Variants in GRM7 observed in about 807,000 individuals in gnomAD.
GRM7 encodes the protein metabotropic glutamate receptor 7.
GRM7 carries 35 observed loss-of-function variants against 84.5 expected under a neutral mutation model. The observed-to-expected ratio is 0.41, with a 90% CI of 0.32 to 0.55. The LOEUF (loss-of-function observed/expected upper bound fraction) is 0.55. Among genes scored for constraint, GRM7 ranks in the 20% least tolerant of loss-of-function variants. The pLI is 0.19. For missense variants in GRM7, 1,003 were observed against 1,194.6 expected, an observed-to-expected ratio of 0.84 and a Z score of 2.36; for synonymous variants, 487 against 455.1, an observed-to-expected ratio of 1.07 and a Z score of -0.89.
At chr3:7,446,024 C>G (rs1261713563) in intron 5 of GRM7, among the ~76,000 whole-genome samples, 1 of 152,118 alleles carries the variant, frequency 6.6e-6, no homozygotes, top group Non-Finnish European at 1.5e-5. Context: ...GTAATACATT[C>G]ATTTACTATT....
chr3:7,229,726 C>CATATATAT (rs1162837346), intron 2 of GRM7, among the ~76,000 whole-genome samples: 11 of 28,594 alleles, frequency 3.8e-4, no homozygotes, highest in South Asian at 2.3e-3. Context: ...TAGACACACA[C>CATATATAT]ATATATATAT....
chr3:7,231,183 T>A (rs1477385568), intron 2 of GRM7, among the ~76,000 whole-genome samples: 1 of 152,190 alleles, frequency 6.6e-6, no homozygotes, highest in Admixed American at 6.5e-5. Flanking sequence ...CTATGGACAC[T>A]GAATTAGGCA....
At chr3:6,946,604 T>C (rs1193633633) in intron 1 of GRM7, among the ~76,000 whole-genome samples, 7 of 152,324 alleles carry the variant, frequency 4.6e-5, no homozygotes, top group Non-Finnish European at 5.9e-5. Flanking sequence ...AAGAAATTCA[T>C]TGGTAGCTTG....
At chr3:7,389,409 G>A (rs964612299) in intron 4 of GRM7, among the ~76,000 whole-genome samples, 5 of 152,014 alleles carry the variant, frequency 3.3e-5, no homozygotes, top group African/African-American at 1.2e-4. Context: ...GAGAAATTTA[G>A]AATTTGTTAG....
intron 4 of GRM7, among the ~76,000 whole-genome samples, chr3:7,391,383 A>G (rs1200150717): frequency 2.0e-5 from 3 of 152,184 alleles, no homozygotes; most frequent in Non-Finnish European, 4.4e-5. Context: ...GCAGCCATAA[A>G]AAAGGATGAG....
chr3:7,454,081 TAC>T (rs141029901), intron 6 of GRM7, among the ~76,000 whole-genome samples: 126 of 142,664 alleles, frequency 8.8e-4, no homozygotes, highest in African/African-American at 2.6e-3. Flanking sequence ...CATGAAAAGC[TAC>T]ACACACACTC....
At chr3:7,439,099 T>G (rs564542819) in intron 5 of GRM7, among the ~76,000 whole-genome samples, 1 of 152,102 alleles carries the variant, frequency 6.6e-6, no homozygotes, top group Admixed American at 6.6e-5. Context: ...AAGGAAAATA[T>G]GGATCCCAAA....
chr3:7,218,203 C>T (rs561989489), intron 2 of GRM7, among the ~76,000 whole-genome samples: 2 of 152,158 alleles, frequency 1.3e-5, no homozygotes, highest in Admixed American at 6.5e-5. Flanking sequence ...GTAAATATTT[C>T]GTACATATTT....
intron 8 of GRM7, among the ~76,000 whole-genome samples, chr3:7,650,729 T>G (rs921824460): frequency 6.6e-6 from 1 of 152,158 alleles, no homozygotes; most frequent in African/African-American, 2.4e-5. Flanking sequence ...TTTTATTTAT[T>G]TATTTAGAGA....
At chr3:7,384,764 C>A (rs114282961) in intron 4 of GRM7, among the ~76,000 whole-genome samples, 2,650 of 152,218 alleles carry the variant, frequency 0.017, 67 homozygotes, top group African/African-American at 0.057. Flanking sequence ...TACACACAGT[C>A]ACAAATCAGT....
intron 1 of GRM7, among the ~76,000 whole-genome samples, chr3:7,141,234 A>G (rs1292616420): frequency 6.6e-6 from 1 of 152,026 alleles, no homozygotes; most frequent in Non-Finnish European, 1.5e-5. Flanking sequence ...TACAACTAAA[A>G]AGAATTATAA....
At chr3:7,186,366 T>A (rs73124166) in intron 2 of GRM7, among the ~76,000 whole-genome samples, 6,914 of 152,298 alleles carry the variant, frequency 0.045, 508 homozygotes, top group African/African-American at 0.16. Context: ...TAAAGTTATT[T>A]GTTCATACAG....
intron 1 of GRM7, among the ~76,000 whole-genome samples, chr3:6,930,431 C>G (rs943545685): frequency 6.6e-6 from 1 of 152,124 alleles, no homozygotes; most frequent in African/African-American, 2.4e-5. Flanking sequence ...CAAATTATAT[C>G]CAAATAGGTT....
intron 8 of GRM7, among the ~76,000 whole-genome samples, chr3:7,655,799 C>A (rs1047917225): frequency 2.0e-5 from 3 of 152,186 alleles, no homozygotes; most frequent in Non-Finnish European, 4.4e-5. Context: ...AAAAACTTCT[C>A]ACCCTGAATG....
intron 1 of GRM7, among the ~76,000 whole-genome samples, chr3:6,885,607 G>A (rs1463076671): frequency 2.6e-5 from 4 of 152,154 alleles, no homozygotes; most frequent in Admixed American, 1.3e-4. Context: ...CAGAAATATG[G>A]ATTTATTCCC....
intron 2 of GRM7, among the ~76,000 whole-genome samples, chr3:7,246,370 T>A (rs1697760748): frequency 6.6e-6 from 1 of 152,100 alleles, no homozygotes; most frequent in Admixed American, 6.6e-5. Context: ...TGGCACATCT[T>A]TTGCAGGAGC....
chr3:7,700,561 T>A (rs1701190341), intron 9 of GRM7, among the ~76,000 whole-genome samples: 1 of 152,228 alleles, frequency 6.6e-6, no homozygotes, highest in African/African-American at 2.4e-5. Flanking sequence ...AGATTCTTCA[T>A]AAATAGTAAA....
At position 7,371,131 on chromosome 3, in the gene GRM7, G is replaced by A. The variant is rs555140937; in HGVS notation, c.1034-43892G>A. ...CCCAGGCTATATATTCTAAGACAGT[G>A]TAACTCAAATTCTGTAGTAAAGGAC... On this transcript the variant is annotated intron_variant, in intron 4 of 9. Coordinates refer to ENST00000357716, the MANE Select transcript of GRM7 (RefSeq NM_000844.4). 2.0e-5 allele frequency among the ~76,000 whole-genome samples: 3 copies of A among 152,258 alleles called. No homozygotes were observed. The South Asian group carries it at 6.2e-4, about 32-fold the overall frequency.
intron 8 of GRM7, among the ~76,000 whole-genome samples, chr3:7,656,926 G>A (rs950121369): frequency 1.3e-5 from 2 of 152,136 alleles, no homozygotes; most frequent in African/African-American, 4.8e-5. Flanking sequence ...ATTGACGATT[G>A]CCACTTGAAC....
Sources: gnomAD v4.1 joint callset for allele counts (sites outside exome capture counted in the v4.1 genomes callset) on GRCh38, gnomAD v4.1.1 for gene constraint, MANE v1.5 for transcripts, NCBI Gene and HGNC (gene_info 2026-07-23, HGNC 2026-07-21) for gene names.